Variants in RGS7 observed in about 807,000 individuals in gnomAD.
RGS7 encodes regulator of G-protein signaling 7.
A neutral mutation model predicts 81.1 loss-of-function variants in RGS7; 27 were observed. That is an observed-to-expected ratio of 0.33 (90% CI 0.25 to 0.46). The LOEUF (loss-of-function observed/expected upper bound fraction) is 0.46. Ranked by LOEUF, RGS7 falls within the 20% of genes least tolerant of loss-of-function variation. The probability of loss-of-function intolerance (pLI) is 1.00; values close to 1 mark genes in which losing one functional copy is unlikely to be tolerated. For synonymous variants in RGS7, 208 were observed against 207.7 expected, an observed-to-expected ratio of 1.00 and a Z score of -0.01; for missense variants, 396 against 607.4, an observed-to-expected ratio of 0.65 and a Z score of 3.66.
chr1:240,873,680 G>A (rs1291880306), intron 6 of RGS7, among the ~76,000 whole-genome samples: 1 of 152,130 alleles, frequency 6.6e-6, no homozygotes, highest in Non-Finnish European at 1.5e-5. Flanking sequence ...CAACACTGAT[G>A]CCCATGACAA....
chr1:241,266,194 C>T (rs535542978), intron 2 of RGS7, among the ~76,000 whole-genome samples: 31 of 152,094 alleles, frequency 2.0e-4, no homozygotes, highest in Non-Finnish European at 3.5e-4. Context: ...TTGTGAGTCA[C>T]AAAAAAATCA....
chr1:241,186,860 G>A (rs1363776610), intron 2 of RGS7, among the ~76,000 whole-genome samples: 3 of 152,062 alleles, frequency 2.0e-5, no homozygotes, highest in Admixed American at 1.3e-4. Context: ...ACTAGCATAT[G>A]GCTATGACAA....
chr1:240,810,728 C>G (rs370694150), intron 14 of RGS7, among the ~76,000 whole-genome samples: 58 of 152,300 alleles, frequency 3.8e-4, no homozygotes, highest in African/African-American at 1.3e-3. Flanking sequence ...GGATTATAGG[C>G]GTGAGCCCTC....
intron 2 of RGS7, among the ~76,000 whole-genome samples, chr1:241,239,592 G>A (rs1479725495): frequency 6.6e-6 from 1 of 152,076 alleles, no homozygotes; most frequent in Non-Finnish European, 1.5e-5. Context: ...CCCCAAGCAC[G>A]CCATGGTCTT....
intron 2 of RGS7, among the ~76,000 whole-genome samples, chr1:241,206,214 T>C (rs1308029347): frequency 6.7e-6 from 1 of 149,586 alleles, no homozygotes. Context: ...ATTTGCCCCA[T>C]GACTTAAAGA....
At chr1:240,919,868 T>A in intron 6 of RGS7, 1 of 893,402 alleles carries the variant, frequency 1.1e-6, no homozygotes, top group Admixed American at 1.7e-5. Context: ...TGGCCATGAA[T>A]GGAAGGCCAC....
chr1:241,195,086 C>A (rs1051386982), intron 2 of RGS7, among the ~76,000 whole-genome samples: 1 of 152,182 alleles, frequency 6.6e-6, no homozygotes, highest in African/African-American at 2.4e-5. Context: ...AAGTTGAAGT[C>A]CCACCTGGAG....
At chr1:241,236,835 A>T (rs1410463569) in intron 2 of RGS7, among the ~76,000 whole-genome samples, 1 of 118,100 alleles carries the variant, frequency 8.5e-6, no homozygotes, top group African/African-American at 3.1e-5. Context: ...TAGGATCTAT[A>T]AAAAAAATAT....
At chr1:241,191,320 G>A (rs914676950) in intron 2 of RGS7, among the ~76,000 whole-genome samples, 3 of 152,076 alleles carry the variant, frequency 2.0e-5, no homozygotes, top group Admixed American at 2.0e-4. Flanking sequence ...TATCATAAAT[G>A]AGTATTTAAT....
chr1:241,017,498 C>T (rs2059318738), intron 3 of RGS7, among the ~76,000 whole-genome samples: 1 of 151,288 alleles, frequency 6.6e-6, no homozygotes, highest in Admixed American at 6.6e-5. Flanking sequence ...TTCAATTATG[C>T]CTTTTTTTTA....
At chr1:241,058,610 C>G (rs2061590490) in intron 3 of RGS7, among the ~76,000 whole-genome samples, 1 of 152,220 alleles carries the variant, frequency 6.6e-6, no homozygotes, top group Non-Finnish European at 1.5e-5. Context: ...CATGTGACTC[C>G]AATAACTTCA....
At chr1:241,279,687 T>G (rs1403246337) in intron 2 of RGS7, among the ~76,000 whole-genome samples, 5 of 152,198 alleles carry the variant, frequency 3.3e-5, no homozygotes, top group African/African-American at 4.8e-5. Context: ...ATTTATTGCC[T>G]TTTTTATCAC....
At chr1:241,242,945 CTGAT>C (rs1315404779) in intron 2 of RGS7, among the ~76,000 whole-genome samples, 1 of 152,090 alleles carries the variant, frequency 6.6e-6, no homozygotes, top group Non-Finnish European at 1.5e-5. Context: ...GTTTATACTG[CTGAT>C]TATTTCTTCT....
intron 3 of RGS7, among the ~76,000 whole-genome samples, chr1:241,088,146 G>A (rs1327593926): frequency 2.0e-5 from 3 of 151,468 alleles, no homozygotes; most frequent in Admixed American, 2.0e-4. Context: ...AGGGGAAAAG[G>A]AGGGAAAGCA....
chr1:240,793,611 A>ATATATATATTTTT, intron 18 of RGS7, among the ~76,000 whole-genome samples: 4 of 78,814 alleles, frequency 5.1e-5, no homozygotes, highest in South Asian at 8.4e-4. Flanking sequence ...ATATATATAT[A>ATATATATATTTTT]TTTTTTTTTT....
intron 2 of RGS7, among the ~76,000 whole-genome samples, chr1:241,209,365 T>C (rs1002616606): frequency 2.0e-5 from 3 of 152,136 alleles, no homozygotes; most frequent in African/African-American, 4.8e-5. Context: ...GAGCTTACCT[T>C]AAAAATAAAA....
intron 3 of RGS7, among the ~76,000 whole-genome samples, chr1:241,080,302 C>T (rs545553119): frequency 7.3e-5 from 11 of 150,004 alleles, no homozygotes; most frequent in African/African-American, 2.4e-4. Flanking sequence ...AAAAAAGACA[C>T]ATTAAAGAGT....
At chr1:240,860,956 C>T (rs955587819) in intron 9 of RGS7, among the ~76,000 whole-genome samples, 5 of 152,126 alleles carry the variant, frequency 3.3e-5, no homozygotes, top group Admixed American at 1.3e-4. Flanking sequence ...TAGCAAAATC[C>T]TTTGTAAATT....
intron 2 of RGS7, among the ~76,000 whole-genome samples, chr1:241,339,663 T>G (rs1276651697): frequency 6.6e-6 from 1 of 152,224 alleles, no homozygotes; most frequent in Non-Finnish European, 1.5e-5. Flanking sequence ...AACTCTCAGC[T>G]TGTATCTCCT....
Sources: allele counts gnomAD v4.1 joint callset (sites outside exome capture counted in the v4.1 genomes callset), GRCh38; gene constraint gnomAD v4.1.1; transcripts MANE v1.5; gene names NCBI Gene and HGNC (gene_info 2026-07-23, HGNC 2026-07-21).